Variants in DTNA observed in about 807,000 individuals in gnomAD.
DTNA encodes dystrobrevin alpha.
Under a neutral mutation model 100.7 loss-of-function variants are expected in DTNA, and 43 were observed. The ratio of observed to expected loss-of-function variants is 0.43; its 90% confidence interval spans 0.33 to 0.55. DTNA has a LOEUF of 0.55. DTNA is among the 20% of genes least tolerant of loss of function. DTNA has a pLI of 0.04. For synonymous variants in DTNA, 349 were observed against 347.9 expected, an observed-to-expected ratio of 1.00 and a Z score of -0.04; for missense variants, 798 against 953.9, an observed-to-expected ratio of 0.84 and a Z score of 2.15.
intron 9 of DTNA, among the ~76,000 whole-genome samples, chr18:34,823,739 A>T (rs951624915): frequency 6.6e-6 from 1 of 152,202 alleles, no homozygotes; most frequent in African/African-American, 2.4e-5. Flanking sequence ...CTTTAATTGT[A>T]GTACAAACCA....
intron 1 of DTNA, among the ~76,000 whole-genome samples, chr18:34,693,716 G>A (rs2080101836): frequency 6.6e-6 from 1 of 150,530 alleles, no homozygotes; most frequent in Non-Finnish European, 1.5e-5. Context: ...TGTCTTTCTG[G>A]ACCACATCCT....
At chr18:34,860,462 G>A (rs2096610101) in intron 16 of DTNA, among the ~76,000 whole-genome samples, 1 of 152,046 alleles carries the variant, frequency 6.6e-6, no homozygotes, top group Admixed American at 6.6e-5. Context: ...ATGCCTCTTT[G>A]CAGAAACCCT....
intron 3 of DTNA, among the ~76,000 whole-genome samples, chr18:34,785,002 T>C (rs78317968): frequency 0.14 from 21,245 of 151,302 alleles, 1,580 homozygotes; most frequent in African/African-American, 0.17. Flanking sequence ...GGTGCGATCT[T>C]GGCCCGGTTT....
At chr18:34,773,930 G>A (rs1351267299) in intron 3 of DTNA, among the ~76,000 whole-genome samples, 1 of 152,164 alleles carries the variant, frequency 6.6e-6, no homozygotes, top group African/African-American at 2.4e-5. Context: ...TTGTTTTAGA[G>A]AATGCCAGAA....
chr18:34,556,731 G>A (rs1191923667), intron 1 of DTNA, among the ~76,000 whole-genome samples: 12 of 151,946 alleles, frequency 7.9e-5, no homozygotes, highest in Admixed American at 2.0e-4. Context: ...GGTTTCTGCC[G>A]AGAGATCCAC....
At chr18:34,690,524 A>G (rs1189139962) in intron 1 of DTNA, among the ~76,000 whole-genome samples, 1 of 151,990 alleles carries the variant, frequency 6.6e-6, no homozygotes, top group Non-Finnish European at 1.5e-5. Context: ...TGCAGAAATC[A>G]CCCACCTGTT....
chr18:34,706,151 T>C (rs1029886920), upstream of DTNA, among the ~76,000 whole-genome samples: 4 of 152,172 alleles, frequency 2.6e-5, no homozygotes, highest in Admixed American at 2.6e-4. Flanking sequence ...TTCTTCCATG[T>C]TGGTCAGGCT....
At chr18:34,585,702 A>ACT (rs1567955983) in intron 1 of DTNA, among the ~76,000 whole-genome samples, 7 of 152,130 alleles carry the variant, frequency 4.6e-5, no homozygotes, top group South Asian at 4.2e-4. Context: ...AGGAGGCCAA[A>ACT]AGGTAATATC....
Position 34,766,022 on chromosome 18 carries a change from T to C in DTNA, c.129T>C (p.Phe43=). ...STYRTACKLR[F]VQKKCNLHLV... ...ACAGAACAGCATGCAAGCTTAGGTT[T>C]GTTCAGAAGAAATGCAATTGTAAGT... is the stretch of plus-strand genomic sequence containing the variant. The change falls in exon 3 of 23, where the codon TTT becomes TTC. Residue 43 remains phenylalanine (F), a synonymous_variant. Transcript: ENST00000444659. 1 of 1,613,798 alleles carries C rather than the reference T, an allele frequency of 6.2e-7. No individual in the cohort carries two copies. The highest frequency in any genetic ancestry group is 8.5e-7 in the Non-Finnish European group (1 of 1,179,742).
intron 1 of DTNA, chr18:34,593,568 A>T (rs1308714724): frequency 6.6e-6 from 1 of 152,250 alleles, no homozygotes; most frequent in African/African-American, 2.4e-5. Context: ...TTTAAAGTGC[A>T]TCGCTTTTCT....
At chr18:34,866,102 T>C in intron 17 of DTNA, 1 of 1,614,112 alleles carries the variant, frequency 6.2e-7, no homozygotes, top group Middle Eastern at 1.6e-4. Context: ...TGATTCAATC[T>C]TTCTGTAGGA....
At chr18:34,765,834 A>G (rs2093437719) in intron 2 of DTNA, 127 bp from the exon 3 acceptor site, 2 of 921,754 alleles carry the variant, frequency 2.2e-6, no homozygotes, top group Non-Finnish European at 1.7e-6. Flanking sequence ...TCTTAAAGTT[A>G]TATTTATATT....
chr18:34,501,791 T>C (rs2039954225), intron 1 of DTNA, among the ~76,000 whole-genome samples: 1 of 152,142 alleles, frequency 6.6e-6, no homozygotes, highest in Non-Finnish European at 1.5e-5. Context: ...GCCTCTCTCT[T>C]TGGCTTGCGG....
At chr18:34,752,552 T>G (rs966795262) in intron 1 of DTNA, among the ~76,000 whole-genome samples, 1 of 152,220 alleles carries the variant, frequency 6.6e-6, no homozygotes, top group African/African-American at 2.4e-5. Context: ...TTTTTACTAT[T>G]ATGACTACGA....
intron 1 of DTNA, among the ~76,000 whole-genome samples, chr18:34,652,353 A>G (rs567310037): frequency 6.6e-6 from 1 of 152,280 alleles, no homozygotes; most frequent in African/African-American, 2.4e-5. Flanking sequence ...ATCCAATAGC[A>G]TTCAGCCTTC....
intron 1 of DTNA, among the ~76,000 whole-genome samples, chr18:34,588,110 T>A (rs1006767146): frequency 7.9e-5 from 12 of 152,134 alleles, no homozygotes; most frequent in African/African-American, 2.9e-4. Flanking sequence ...ACCCAACAAT[T>A]GGCACCAACT....
intron 1 of DTNA, among the ~76,000 whole-genome samples, chr18:34,746,918 G>T (rs1413001953): frequency 6.6e-6 from 1 of 151,954 alleles, no homozygotes; most frequent in African/African-American, 2.4e-5. Context: ...GAAACCAAAC[G>T]AAACCAAATG....
intron 1 of DTNA, among the ~76,000 whole-genome samples, chr18:34,580,838 C>G (rs903924315): frequency 6.6e-6 from 1 of 152,146 alleles, no homozygotes; most frequent in Non-Finnish European, 1.5e-5. Context: ...TCAACTACCC[C>G]CAAATATTCA....
chr18:34,596,671 CTCTTCG>C (rs2050675137), intron 1 of DTNA, among the ~76,000 whole-genome samples: 2 of 152,142 alleles, frequency 1.3e-5, no homozygotes, highest in Admixed American at 1.3e-4. Context: ...TCTTTTTACA[CTCTTCG>C]TTCTAGAGAA....
Sources: allele counts gnomAD v4.1 joint callset (sites outside exome capture counted in the v4.1 genomes callset), GRCh38; gene constraint gnomAD v4.1.1; transcripts MANE v1.5; gene names NCBI Gene and HGNC (gene_info 2026-07-23, HGNC 2026-07-21).